The following STK38L variants were observed in gnomAD, a reference collection of about 807,000 sequenced individuals.
The protein encoded by STK38L is serine/threonine-protein kinase 38-like.
A neutral mutation model predicts 59.7 loss-of-function variants in STK38L; 28 were observed. The observed-to-expected ratio is 0.47, with a 90% CI of 0.35 to 0.64. The LOEUF (loss-of-function observed/expected upper bound fraction) is 0.64, where lower values mean the gene tolerates loss of function less well. STK38L is among the 30% of genes least tolerant of loss of function. STK38L has a pLI of 0.01. For missense variants in STK38L, 314 were observed against 555.8 expected (o/e 0.56, Z 4.37); for synonymous variants, 162 against 176.8 (o/e 0.92, Z 0.66).
rs1331589117 is a variant in STK38L at position 27,308,901 on chromosome 12, T to TATATATAAATATATATTAATATATATAAA, written c.310-205_310-177dup. ...ATATATATAAATGTAAATATATAAA[T>TATATATAAATATATATTAATATATATAAA]ATATATAAATATATATTAATATATA... On this transcript the variant is annotated intron_variant, in intron 4 of 13. Coordinates refer to ENST00000389032, the MANE Select transcript of STK38L (RefSeq NM_015000.4). This position sits in a 1 kb window ranked among gnomAD's most constrained non-coding sequence, Gnocchi z 4.5. 2.7e-5 allele frequency among the ~76,000 whole-genome samples: 4 copies of TATATATAAATATATATTAATATATATAAA among 145,828 alleles called. No individual in the cohort carries two copies. The highest frequency in any genetic ancestry group is 9.9e-5 in the African/African-American group (4 of 40,244).
intron 3 of STK38L, among the ~76,000 whole-genome samples, chr12:27,304,621 C>A (rs1457469381): frequency 6.6e-6 from 1 of 152,042 alleles, no homozygotes; most frequent in Non-Finnish European, 1.5e-5. Context: ...CTGAGCATAT[C>A]TTTCCTCATT....
At chr12:27,286,112 C>G (rs1022583220) in intron 1 of STK38L, among the ~76,000 whole-genome samples, 1 of 152,098 alleles carries the variant, frequency 6.6e-6, no homozygotes, top group Non-Finnish European at 1.5e-5. Flanking sequence ...TCCATGACAT[C>G]CAACTTTTTT....
intron 1 of STK38L, among the ~76,000 whole-genome samples, chr12:27,289,137 C>T (rs995751392): frequency 3.3e-5 from 5 of 152,030 alleles, no homozygotes; most frequent in Non-Finnish European, 7.4e-5. Flanking sequence ...ATCTAGTGCA[C>T]TACCAGATAG....
chr12:27,285,413 C>T (rs1425839999), intron 1 of STK38L, among the ~76,000 whole-genome samples: 2 of 152,120 alleles, frequency 1.3e-5, no homozygotes, highest in East Asian at 3.8e-4. Context: ...CTCACTTAAA[C>T]TCAGTCTATT....
chr12:27,267,653 A>T (rs1249754718), intron 1 of STK38L, among the ~76,000 whole-genome samples: 1 of 152,148 alleles, frequency 6.6e-6, no homozygotes, highest in Admixed American at 6.5e-5. Flanking sequence ...AGCTCTATTG[A>T]GTGGCATCAA....
At chr12:27,279,219 A>C (rs994062213) in intron 1 of STK38L, among the ~76,000 whole-genome samples, 1 of 152,140 alleles carries the variant, frequency 6.6e-6, no homozygotes, top group African/African-American at 2.4e-5. Flanking sequence ...TCAAATTAGG[A>C]TTGGTTTATT....
rs1374511215 is a variant in STK38L at position 27,308,491 on chromosome 12, T to A, written c.309+30T>A. 5 of 1,534,638 alleles carry A rather than the reference T, an allele frequency of 3.3e-6. No homozygotes were observed. In the South Asian group the frequency reaches 6.1e-5, roughly 19 times the overall value. On this transcript the variant is annotated intron_variant, in intron 4 of 13. Transcript: ENST00000389032. The surrounding 1 kb of genome is among the most constrained non-coding windows in gnomAD (Gnocchi z 4.5). ...GCTTCTTTTTAAAAGTCACTACTGC[T>A]GCAAATATATATCTTAAGATAATTT...
chr12:27,325,465 A>C lies in STK38L; in HGVS notation c.*3010A>C, dbSNP rs374053845. ...GTCTTTACTGACAGGAGCAGCAGCT[A>C]TCTGTCTTTTGCTGATCTACAAATA... On this transcript the variant is annotated 3_prime_UTR_variant, in exon 14 of 14. Transcript: ENST00000389032. 7 of 152,212 alleles carry C rather than the reference A, an allele frequency of 4.6e-5. No individual in the cohort carries two copies. The highest frequency in any genetic ancestry group is 5.9e-5 in the Non-Finnish European group (4 of 68,016). The allele number at this position is 152,212 out of a possible 1,614,324, so 9.4% of individuals were successfully genotyped here.
chr12:27,322,043 AG>A, intron 12 of STK38L, 99 bp from the exon 13 acceptor site: 1 of 1,010,018 alleles, frequency 9.9e-7, no homozygotes, highest in South Asian at 1.8e-5. Flanking sequence ...TGGATTTTCT[AG>A]TATCTGTAGA....
At chr12:27,261,759 A>G (rs1943208401) in intron 1 of STK38L, among the ~76,000 whole-genome samples, 1 of 152,194 alleles carries the variant, frequency 6.6e-6, no homozygotes, top group East Asian at 1.9e-4. Context: ...TTGTTTTTGT[A>G]TCTGTAAAAT....
Position 27,317,401 on chromosome 12 carries a change from C to T in STK38L, c.903C>T (p.Asn301=), listed in dbSNP as rs1944611725. The T allele has an allele frequency of 6.2e-7, 1 of 1,613,172 alleles. No individual in the cohort carries two copies. The highest frequency in any genetic ancestry group is 1.3e-5 in the African/African-American group (1 of 75,000). Residue 301 remains asparagine, a synonymous_variant, in exon 10 of 14, where the codon AAC becomes AAT. Transcript: ENST00000389032. The part of the protein sequence containing the change: ...APEVFMQTGY[N]KLCDWWSLGV... ...AAGTATTCATGCAGACTGGTTACAACAAATTGTGTGACTGGTGGTCTTTGG... is the reference window on the plus strand; with the variant it reads ...AAGTATTCATGCAGACTGGTTACAATAAATTGTGTGACTGGTGGTCTTTGG...
intron 1 of STK38L, among the ~76,000 whole-genome samples, chr12:27,249,421 C>T (rs1008084169): frequency 6.6e-6 from 1 of 152,124 alleles, no homozygotes; most frequent in African/African-American, 2.4e-5. Context: ...CACTGCAACC[C>T]CCGCCTCCTG....
At chr12:27,304,346 C>T (rs767679860) in intron 3 of STK38L, among the ~76,000 whole-genome samples, 1 of 149,922 alleles carries the variant, frequency 6.7e-6, no homozygotes, top group Non-Finnish European at 1.5e-5. Context: ...AGTATCTAAT[C>T]TTCCCTGTAC....
In STK38L at chr12:27,322,307, CTTTAT is replaced by C. The variant is rs1413537375; in HGVS notation, c.1268-17_1268-13del. 13 of 1,613,034 alleles carry C rather than the reference CTTTAT, an allele frequency of 8.1e-6. No individual in the cohort carries two copies. The highest frequency in any genetic ancestry group is 2.2e-5 in the South Asian group (2 of 90,862). On this transcript the variant is annotated splice_polypyrimidine_tract_variant and intron_variant, in intron 13 of 13. Coordinates refer to ENST00000389032, the MANE Select transcript of STK38L (RefSeq NM_015000.4). ...TGATGGCATTTCACTAATGAAATTC[CTTTAT>C]TTTTTCTCTTTCTAGTGCCAAATAC...
At chr12:27,256,705 A>G (rs1438492431) in intron 1 of STK38L, among the ~76,000 whole-genome samples, 1 of 152,212 alleles carries the variant, frequency 6.6e-6, no homozygotes, top group South Asian at 2.1e-4. Context: ...GTGTTTCCTT[A>G]TATAATTTTC....
intron 1 of STK38L, among the ~76,000 whole-genome samples, chr12:27,297,507 A>C (rs756149312): frequency 6.6e-6 from 1 of 152,210 alleles, no homozygotes; most frequent in Non-Finnish European, 1.5e-5. Context: ...TGGTTTTGCC[A>C]CCACAATATG....
intron 1 of STK38L, among the ~76,000 whole-genome samples, chr12:27,283,507 C>T (rs932714902): frequency 6.6e-6 from 1 of 152,134 alleles, no homozygotes; most frequent in African/African-American, 2.4e-5. Context: ...AACACTGACA[C>T]CCTGAGAGTT....
intron 1 of STK38L, 61 bp downstream of exon 1, chr12:27,244,393 T>G (rs1364263862): frequency 6.6e-6 from 1 of 152,376 alleles, no homozygotes; most frequent in Non-Finnish European, 1.5e-5. Context: ...GCCCCAACTC[T>G]GCGAGCAGGA....
chr12:27,280,748 A>C (rs1385664202), intron 1 of STK38L, among the ~76,000 whole-genome samples: 1 of 152,252 alleles, frequency 6.6e-6, no homozygotes. Flanking sequence ...AGATAAGTAA[A>C]TGAAGACAGC....
Sources: allele counts gnomAD v4.1 joint callset (sites outside exome capture counted in the v4.1 genomes callset), GRCh38; gene constraint gnomAD v4.1.1; non-coding constraint Gnocchi (gnomAD v3.1); transcripts MANE v1.5; gene names NCBI Gene and HGNC (gene_info 2026-07-23, HGNC 2026-07-21).